The following ADCY2 variants were observed in gnomAD, a reference collection of about 807,000 sequenced individuals.
ADCY2 encodes the protein adenylate cyclase type 2.
ADCY2 carries 31 observed loss-of-function variants against 125.2 expected under a neutral mutation model. The observed-to-expected ratio is 0.25, with a 90% confidence interval of 0.19 to 0.33. The LOEUF is 0.33. Among genes scored for constraint, ADCY2 ranks in the 10% least tolerant of loss-of-function variants. The probability of loss-of-function intolerance (pLI) is 1.00; values close to 1 mark genes in which losing one functional copy is unlikely to be tolerated. For synonymous variants in ADCY2, 512 were observed against 548.4 expected, an observed-to-expected ratio of 0.93 and a Z score of 0.93; for missense variants, 904 against 1,418.2, an observed-to-expected ratio of 0.64 and a Z score of 5.82.
At chr5:7,467,444 G>T (rs1331263500) in intron 2 of ADCY2, among the ~76,000 whole-genome samples, 1 of 152,146 alleles carries the variant, frequency 6.6e-6, no homozygotes, top group Non-Finnish European at 1.5e-5. Context: ...CGTGGAGAAG[G>T]GTCCCCACGT....
At chr5:7,574,544 C>G (rs1477197227) in intron 3 of ADCY2, among the ~76,000 whole-genome samples, 1 of 152,198 alleles carries the variant, frequency 6.6e-6, no homozygotes, top group Non-Finnish European at 1.5e-5. Flanking sequence ...AATACCGTAG[C>G]TAACAGATGC....
intron 2 of ADCY2, among the ~76,000 whole-genome samples, chr5:7,501,745 G>A (rs1245570176): frequency 2.1e-5 from 3 of 145,432 alleles, no homozygotes; most frequent in African/African-American, 7.7e-5. Context: ...GGGCTCACTT[G>A]GCCTTGAGTC....
At chr5:7,712,597 T>A (rs1741474271) in intron 10 of ADCY2, among the ~76,000 whole-genome samples, 1 of 152,218 alleles carries the variant, frequency 6.6e-6, no homozygotes, top group Admixed American at 6.5e-5. Context: ...AGGCTATAAA[T>A]CTTAAAACTC....
intron 4 of ADCY2, among the ~76,000 whole-genome samples, chr5:7,690,111 TA>T (rs1740660287): frequency 6.6e-6 from 1 of 152,224 alleles, no homozygotes. Context: ...GTTCCACCTG[TA>T]GTTTCTTATG....
At chr5:7,715,830 T>C (rs1218025710) in intron 11 of ADCY2, among the ~76,000 whole-genome samples, 1 of 152,220 alleles carries the variant, frequency 6.6e-6, no homozygotes, top group Admixed American at 6.5e-5. Context: ...AATGAGACTT[T>C]GCATATTTAA....
intron 2 of ADCY2, among the ~76,000 whole-genome samples, chr5:7,431,399 G>A (rs946226148): frequency 6.6e-6 from 1 of 152,122 alleles, no homozygotes; most frequent in African/African-American, 2.4e-5. Context: ...GTTAACATGA[G>A]ATGGACCATA....
intron 18 of ADCY2, among the ~76,000 whole-genome samples, chr5:7,780,991 G>A (rs111804633): frequency 8.5e-5 from 13 of 152,318 alleles, no homozygotes; most frequent in African/African-American, 2.6e-4. Context: ...AGTCCCCAGT[G>A]TCTGATTTTT....
intron 2 of ADCY2, among the ~76,000 whole-genome samples, chr5:7,516,385 A>G (rs1034332578): frequency 4.6e-5 from 7 of 152,188 alleles, no homozygotes; most frequent in African/African-American, 1.7e-4. Flanking sequence ...TAAACTTGAT[A>G]TCAGTCAGGA....
intron 2 of ADCY2, among the ~76,000 whole-genome samples, chr5:7,481,698 A>G (rs1266824848): frequency 3.3e-5 from 5 of 152,100 alleles, no homozygotes; most frequent in African/African-American, 4.8e-5. Context: ...TATTCTGGTT[A>G]TTAATTCCTT....
chr5:7,609,195 A>G (rs1214162412), intron 3 of ADCY2, among the ~76,000 whole-genome samples: 1 of 152,180 alleles, frequency 6.6e-6, no homozygotes, highest in Non-Finnish European at 1.5e-5. Context: ...TACTGAAGGG[A>G]TGGCAGGTAT....
intron 2 of ADCY2, among the ~76,000 whole-genome samples, chr5:7,445,990 C>T (rs369284281): frequency 1.3e-5 from 2 of 152,094 alleles, no homozygotes; most frequent in African/African-American, 2.4e-5. Context: ...CTCATTGCAT[C>T]GTCTAATACA....
intron 3 of ADCY2, among the ~76,000 whole-genome samples, chr5:7,587,474 T>G (rs530175081): frequency 6.6e-6 from 1 of 152,316 alleles, no homozygotes; most frequent in South Asian, 2.1e-4. Flanking sequence ...TCATACATGA[T>G]GTAGTAAAAA....
At chr5:7,506,681 T>C (rs1179513494) in intron 2 of ADCY2, among the ~76,000 whole-genome samples, 1 of 151,690 alleles carries the variant, frequency 6.6e-6, no homozygotes, top group African/African-American at 2.4e-5. Flanking sequence ...GGGCTTAGAA[T>C]AAATCCTTGA....
intron 15 of ADCY2, among the ~76,000 whole-genome samples, chr5:7,752,122 C>T (rs1167423096): frequency 6.6e-6 from 1 of 152,102 alleles, no homozygotes; most frequent in Non-Finnish European, 1.5e-5. Flanking sequence ...GTGGCTCACC[C>T]AGGGCGAAAA....
At chr5:7,643,079 AT>A (rs200080625) in intron 4 of ADCY2, among the ~76,000 whole-genome samples, 1 of 150,672 alleles carries the variant, frequency 6.6e-6, no homozygotes, top group Non-Finnish European at 1.5e-5. Flanking sequence ...CTGTGGTAGG[AT>A]TTTTTTTTCA....
intron 3 of ADCY2, among the ~76,000 whole-genome samples, chr5:7,612,315 C>A (rs1364030240): frequency 1.3e-5 from 2 of 152,144 alleles, no homozygotes; most frequent in Admixed American, 1.3e-4. Flanking sequence ...ACAAAATAGT[C>A]AAATATGTGG....
Position 7,719,087 on chromosome 5 carries a change from G to T in ADCY2, c.1703+1850G>T, listed in dbSNP as rs548541167. Among the ~76,000 whole-genome samples, 7 of 152,268 alleles carry T rather than the reference G, an allele frequency of 4.6e-5. 1 individual carries two copies. The South Asian group carries it at 6.2e-4, about 14-fold the overall frequency. The stretch of plus-strand genomic sequence containing the variant: ...ACACCTATCTTTTTAAATTATTTTT[G>T]TATGCACCTTTTGGAACATTCCTAC... On this transcript the variant is annotated intron_variant, in intron 12 of 24. Coordinates refer to ENST00000338316, the MANE Select transcript of ADCY2 (RefSeq NM_020546.3).
intron 16 of ADCY2, among the ~76,000 whole-genome samples, chr5:7,763,156 G>T (rs1487553540): frequency 6.6e-6 from 1 of 151,936 alleles, no homozygotes; most frequent in East Asian, 2.0e-4. Context: ...TGCAGTGGCG[G>T]GATCTCGGCT....
chr5:7,579,211 G>A (rs997067266), intron 3 of ADCY2, among the ~76,000 whole-genome samples: 1 of 152,112 alleles, frequency 6.6e-6, no homozygotes, highest in African/African-American at 2.4e-5. Flanking sequence ...ACAGAGCTAC[G>A]TTGGAGTCAA....
Sources: allele counts gnomAD v4.1 joint callset (sites outside exome capture counted in the v4.1 genomes callset), GRCh38; gene constraint gnomAD v4.1.1; transcripts MANE v1.5; gene names NCBI Gene and HGNC (gene_info 2026-07-23, HGNC 2026-07-21).